CCDC17: variants seen among roughly 807,000 people sequenced by gnomAD.
The protein encoded by CCDC17 is coiled-coil domain containing 17, also known as coiled-coil domain-containing protein 17.
In CCDC17, 79 loss-of-function variants were observed where a neutral mutation model predicts 68.0. The observed-to-expected ratio is 1.16, with a 90% CI of 0.97 to 1.40. CCDC17 has a LOEUF of 1.40. CCDC17 is among the 40% of genes most tolerant of loss of function. The pLI, the probability that CCDC17 is intolerant of heterozygous loss-of-function variation, is 0.00. For synonymous variants in CCDC17, 376 were observed against 337.5 expected, an observed-to-expected ratio of 1.11 and a Z score of -1.25; for missense variants, 846 against 811.5, an observed-to-expected ratio of 1.04 and a Z score of -0.52.
In CCDC17 at chr1:45,624,033, G is replaced by A; in HGVS notation, c.-124C>T. 1.5e-6 allele frequency: 1 copy of A among 688,718 alleles called. No homozygotes were observed. The highest frequency in any genetic ancestry group is 2.2e-5 in the South Asian group (1 of 44,564). 42.7% of individuals were successfully genotyped at this position (688,718 alleles called of 1,614,324 possible). On this transcript the variant is annotated 5_prime_UTR_variant, in exon 1 of 13. Coordinates refer to ENST00000528266, the MANE Select transcript of CCDC17 (RefSeq NM_001114938.3). ...AGAGAGGAAAGGCCGTGTCTATTAG[G>A]TCTGTGAGATCTTCAAGTTTGTTTG...
At chr1:45,620,544 C>T in intron 12 of CCDC17, 111 bp from the exon 13 acceptor site, 1 of 1,468,700 alleles carries the variant, frequency 6.8e-7, no homozygotes, top group Non-Finnish European at 9.0e-7. Flanking sequence ...CCAAGTTAAC[C>T]TGCTCCTGCT....
In CCDC17 at chr1:45,623,757, G is replaced by A; in HGVS notation, c.153C>T (p.Ala51=). Residue 51 remains alanine (A), a synonymous_variant, in exon 1 of 13, where the codon GCC becomes GCT. Transcript: ENST00000528266. ...TTACCGCGGCCCGCTGGGGTTCAGT[G>A]GCAACTGATGCCTGTGCTCCAAATG... ...EMTFGAQASV[A]TEPQRAAVVP... 1.3e-6 allele frequency: 2 copies of A among 1,551,184 alleles called. No homozygotes were observed. Among genetic ancestry groups the A allele is most frequent in the Non-Finnish European group, 1.7e-6 (2 of 1,146,704 alleles).
rs1199064311 is a variant in CCDC17, at chr1:45,622,606, A to G, written c.802T>C (p.Trp268Arg). 2.6e-6 allele frequency: 4 copies of G among 1,556,712 alleles called. No individual in the cohort carries two copies. Among genetic ancestry groups the G allele is most frequent in the Admixed American group, 1.9e-5 (1 of 51,592 alleles). Residue 268 changes from tryptophan (W) to arginine (R), a missense_variant, in exon 6 of 13, where the codon TGG becomes CGG. Coordinates refer to ENST00000528266, the MANE Select transcript of CCDC17 (RefSeq NM_001114938.3). ...GRDPGVLGQI[W>R]QLQVEASALE... ...GCAGACGCCTCCACCTGCAACTGCC[A>G]TATCTGGCCCAGCACGCCGGGGTCC...
chr1:45,623,266 G>A lies in CCDC17; in HGVS notation c.444C>T (p.Arg148=). 2 of 1,546,410 alleles carry A rather than the reference G, an allele frequency of 1.3e-6. No individual in the cohort carries two copies. Among genetic ancestry groups the A allele is most frequent in the Non-Finnish European group, 1.7e-6 (2 of 1,146,462 alleles). ...GGCTCTGCGCTTCCATCTCCGCCAC[G>A]CGCCTCGCGCGAGTCCTGAACAGCG... ...LRALFRTRAR[R]VAEMEAQSRA... The change falls in exon 3 of 13, where the codon CGC becomes CGT. Residue 148 remains arginine (R), a synonymous_variant. Transcript: ENST00000528266.
chr1:45,623,117 T>G lies in CCDC17; in HGVS notation c.494A>C (p.Glu165Ala). ...QSRALQLRGE[E>A]LSRRLQVVAC... ...CACAACTTGGAGGCGTCGGCTCAGTTCTGAGGGAATGCGGGCCGAGTCAGA... is the reference window on the plus strand; with the variant it reads ...CACAACTTGGAGGCGTCGGCTCAGTGCTGAGGGAATGCGGGCCGAGTCAGA... Residue 165 changes from glutamate (E) to alanine (A), a missense_variant and splice_region_variant, in exon 4 of 13, where the codon GAA (glutamate) becomes GCA (alanine). Glu to Ala is a moderately radical substitution (Grantham distance 107, BLOSUM62 -1). Transcript: ENST00000528266. The G allele has an allele frequency of 6.4e-7, 1 of 1,559,036 alleles. No homozygotes were observed. Among genetic ancestry groups the G allele is most frequent in the East Asian group, 2.4e-5 (1 of 41,996 alleles).
chr1:45,621,419 A>G lies in CCDC17; in HGVS notation c.1250T>C (p.Leu417Pro). The change falls in exon 10 of 13, where the codon CTA becomes CCA. Residue 417 changes from leucine (L) to proline (P), a missense_variant. By Grantham distance (98) the Leu-to-Pro change is moderately conservative. Transcript: ENST00000528266. ...GLEASWIWVQ[L>P]RTGLARDGRD... Reference sequence around the variant, plus strand: ...TCCATCGCGTGCCAAGCCAGTCCTTAGTTGCACCCAAATCCAGGAAGCCTC... The same window carrying G: ...TCCATCGCGTGCCAAGCCAGTCCTTGGTTGCACCCAAATCCAGGAAGCCTC... The G allele has an allele frequency of 6.3e-7, 1 of 1,598,170 alleles. No homozygotes were observed. Among genetic ancestry groups the G allele is most frequent in the South Asian group, 1.1e-5 (1 of 88,122 alleles).
chr1:45,620,539 T>A lies in CCDC17; in HGVS notation c.1711-106A>T, dbSNP rs1228371881. On this transcript the variant is annotated intron_variant, in intron 12 of 12. Coordinates refer to ENST00000528266, the MANE Select transcript of CCDC17 (RefSeq NM_001114938.3). ...AGAGTCTCACTTACTGTGAACCAAGTTAACCTGCTCCTGCTTTGATTTCCT... is the reference window on the plus strand; with the variant it reads ...AGAGTCTCACTTACTGTGAACCAAGATAACCTGCTCCTGCTTTGATTTCCT... 8 of 1,470,434 alleles carry A rather than the reference T, an allele frequency of 5.4e-6. No homozygotes were observed. The East Asian group carries it at 1.7e-4, about 32-fold the overall frequency. The allele number at this position is 1,470,434 out of a possible 1,614,324, so 91.1% of individuals were successfully genotyped here.
chr1:45,622,121 G>A (rs1283033987), intron 7 of CCDC17, 120 bp downstream of exon 7: 11 of 1,267,006 alleles, frequency 8.7e-6, no homozygotes, highest in East Asian at 5.0e-5. Flanking sequence ...GGATACACAC[G>A]TGCAGACATG....
Position 45,622,657 on chromosome 1 carries a change from C to G in CCDC17, c.751G>C (p.Glu251Gln). 2 of 1,554,734 alleles carry G rather than the reference C, an allele frequency of 1.3e-6. No individual in the cohort carries two copies. Among genetic ancestry groups the G allele is most frequent in the Non-Finnish European group, 1.7e-6 (2 of 1,148,888 alleles). Residue 251 changes from glutamate (E) to glutamine (Q), a missense_variant, in exon 6 of 13, where the codon GAG (glutamate) becomes CAG (glutamine). By Grantham distance (29) the Glu-to-Gln change is conservative. Transcript: ENST00000528266. Reference protein sequence around the residue: ...TLAAEIRALREAYIRDGGRDP... With the variant: ...TLAAEIRALRQAYIRDGGRDP... ...CGGCCCCCGTCTCGAATGTAGGCCT[C>G]CCGCAGCGCCCTAGGGAGTGGGGAA...
intron 8 of CCDC17, 51 bp from the exon 9 acceptor site, chr1:45,621,786 T>C: frequency 1.2e-6 from 2 of 1,606,202 alleles, no homozygotes; most frequent in Non-Finnish European, 1.7e-6. Context: ...CTGCTCATGT[T>C]CCCCCAACTG....
rs1447842205 is a variant in CCDC17 at position 45,620,953 on chromosome 1, G to T, written c.1549C>A (p.Leu517Ile). The T allele has an allele frequency of 6.2e-7, 1 of 1,613,920 alleles. No individual in the cohort carries two copies. Among genetic ancestry groups the T allele is most frequent in the East Asian group, 2.2e-5 (1 of 44,884 alleles). The change falls in exon 11 of 13, where the codon CTT (leucine) becomes ATT (isoleucine). Residue 517 changes from leucine to isoleucine, a missense_variant. Leu to Ile is a conservative substitution (Grantham distance 5). Transcript: ENST00000528266. ...SGRWRLPLRA[L>I]PLDPSLSLGQ... ...AGGCTAAGGCTGGGGTCCAGAGGAA[G>T]GGCCCGAAGTGGGAGGCGCCAGCGG...
At chr1:45,620,626 G>A in intron 12 of CCDC17, 97 bp downstream of exon 12, 1 of 1,532,330 alleles carries the variant, frequency 6.5e-7, no homozygotes, top group Middle Eastern at 1.8e-4. Flanking sequence ...CATTGGTAAT[G>A]ACTGGCACAC....
rs767684505 is a variant in CCDC17, at chr1:45,622,936, C to T, written c.656+19G>A. The T allele has an allele frequency of 5.0e-6, 8 of 1,584,278 alleles. No homozygotes were observed. Among genetic ancestry groups the T allele is most frequent in the Non-Finnish European group, 6.9e-6 (8 of 1,162,364 alleles). On this transcript the variant is annotated intron_variant, in intron 4 of 12. Coordinates refer to ENST00000528266, the MANE Select transcript of CCDC17 (RefSeq NM_001114938.3). ...CCCCGGAGCCGCATGTTCCGGGGAT[C>T]CGCTTAGTCGGGTCTCACCCTGGCT...
At position 45,622,252 on chromosome 1, in the gene CCDC17, C is replaced by T. The variant is rs772631795; in HGVS notation, c.956G>A (p.Arg319Gln). 6.2e-6 allele frequency: 10 copies of T among 1,612,580 alleles called. No homozygotes were observed. The highest frequency in any genetic ancestry group is 1.7e-4 in the Middle Eastern group (1 of 6,050). The change falls in exon 7 of 13, where the codon CGG (arginine) becomes CAG (glutamine). Residue 319 changes from arginine (R) to glutamine (Q), a missense_variant. Physicochemically the swap from Arg to Gln is conservative, Grantham distance 43. Coordinates refer to ENST00000528266, the MANE Select transcript of CCDC17 (RefSeq NM_001114938.3). ...EILALQMQRG[R>Q]APLGPQDLRL... ...GGGTGCTCACTGACCCAAGGGTGCC[C>T]GACCCCTCTGCATTTGCAAGGCCAA...
rs1442949051 is a variant in CCDC17 at position 45,623,240 on chromosome 1, C to G, written c.470G>C (p.Arg157Pro). 1.3e-6 allele frequency: 2 copies of G among 1,544,878 alleles called. No homozygotes were observed. The highest frequency in any genetic ancestry group is 1.7e-6 in the Non-Finnish European group (2 of 1,145,970). ...RRVAEMEAQS[R>P]ALQLRGEELS... Reference sequence around the variant, plus strand: ...ACCCTCGCCGCGTAGCTGCAGGGCCCGGCTCTGCGCTTCCATCTCCGCCAC... The same window carrying G: ...ACCCTCGCCGCGTAGCTGCAGGGCCGGGCTCTGCGCTTCCATCTCCGCCAC... The change falls in exon 3 of 13, where the codon CGG becomes CCG. Residue 157 changes from arginine (R) to proline (P), a missense_variant. Arg to Pro is a moderately radical substitution (Grantham distance 103). Transcript: ENST00000528266.
chr1:45,620,424 T>A lies in CCDC17; in HGVS notation c.1720A>T (p.Thr574Ser), dbSNP rs779809298. Residue 574 changes from threonine to serine, a missense_variant, in exon 13 of 13, where the codon ACA becomes TCA. By Grantham distance (58) the Thr-to-Ser change is moderately conservative. Transcript: ENST00000528266. ...EYQYPPPVSS[T>S]SSLEASFLTP... ...AGGAAGCTGGCTTCCAGTGAAGATG[T>A]GCTGGACACCTGTGGAACAGGAGAA... 73 of 1,580,684 alleles carry A rather than the reference T, an allele frequency of 4.6e-5. No homozygotes were observed. Among genetic ancestry groups the A allele is most frequent in the Middle Eastern group, 1.7e-4 (1 of 5,986 alleles).
chr1:45,621,925 G>A lies in CCDC17; in HGVS notation c.1038C>T (p.Leu346=), dbSNP rs759466886. 2 of 1,610,154 alleles carry A rather than the reference G, an allele frequency of 1.2e-6. No homozygotes were observed. Among genetic ancestry groups the A allele is most frequent in the South Asian group, 2.2e-5 (2 of 90,388 alleles). Reference sequence around the variant, plus strand: ...GCAGCGGTGGTGCCACCGGTGGCGGGAGGAGTGGGGGATCTCTCCTCCCCT... The same window carrying A: ...GCAGCGGTGGTGCCACCGGTGGCGGAAGGAGTGGGGGATCTCTCCTCCCCT... The part of the protein sequence containing the change: ...QPKGRRDPPL[L]PPPVAPPLPP... Residue 346 remains leucine, a synonymous_variant, in exon 8 of 13, where the codon CTC becomes CTT. Coordinates refer to ENST00000528266, the MANE Select transcript of CCDC17 (RefSeq NM_001114938.3).
Position 45,620,086 on chromosome 1 carries a change from C to T in CCDC17, c.*189G>A, listed in dbSNP as rs894308289. The T allele has an allele frequency of 5.5e-6, 3 of 542,394 alleles. No homozygotes were observed. In the African/African-American group the frequency reaches 6.0e-5, roughly 11 times the overall value. The allele number at this position is 542,394 out of a possible 1,614,324, so 33.6% of individuals were successfully genotyped here. A position where few individuals can be genotyped will look rare whatever the true frequency, so the allele number is the denominator to read the frequency against. On this transcript the variant is annotated 3_prime_UTR_variant, in exon 13 of 13. Transcript: ENST00000528266. ...TAATCCTTAATCTGTTTTACAAAAA[C>T]AGAAGAGGTACAGAAAAGTTAAGGA...
At position 45,623,555 on chromosome 1, in the gene CCDC17, A is replaced by T; in HGVS notation, c.270+2T>A. 1 of 1,548,732 alleles carries T rather than the reference A, an allele frequency of 6.5e-7. No individual in the cohort carries two copies. Among genetic ancestry groups the T allele is most frequent in the Non-Finnish European group, 8.7e-7 (1 of 1,146,806 alleles). On this transcript the variant is annotated splice_donor_variant, in intron 2 of 12. Coordinates refer to ENST00000528266, the MANE Select transcript of CCDC17 (RefSeq NM_001114938.3). LOFTEE classifies it high-confidence loss of function. ...GCCCTGGGGGAAGGTAGGTAGCTCTACCTCCTCTGTTAACCTCTTTAGAGC... is the reference window on the plus strand; with the variant it reads ...GCCCTGGGGGAAGGTAGGTAGCTCTTCCTCCTCTGTTAACCTCTTTAGAGC...
Sources: gnomAD v4.1 joint callset for allele counts on GRCh38, gnomAD v4.1.1 for gene constraint, MANE v1.5 for transcripts, NCBI Gene and HGNC (gene_info 2026-07-23, HGNC 2026-07-21) for gene names.